Variants in MACROD2 observed in about 807,000 individuals in gnomAD.
MACROD2 encodes the protein ADP-ribose glycohydrolase MACROD2.
MACROD2 carries 36 observed loss-of-function variants against 70.4 expected under a neutral mutation model. The ratio of observed to expected loss-of-function variants is 0.51; its 90% CI spans 0.39 to 0.68. MACROD2 has a LOEUF of 0.68. MACROD2 is among the 30% of genes least tolerant of loss of function. The probability of loss-of-function intolerance (pLI) is 0.00; values close to 1 mark genes in which losing one functional copy is unlikely to be tolerated. For missense variants in MACROD2, 496 were observed against 538.4 expected (o/e 0.92, Z 0.78); for synonymous variants, 172 against 178.8 (o/e 0.96, Z 0.30).
At chr20:15,877,067 C>G (rs2064685784) in intron 9 of MACROD2, among the ~76,000 whole-genome samples, 1 of 152,058 alleles carries the variant, frequency 6.6e-6, no homozygotes, top group Non-Finnish European at 1.5e-5. Context: ...CGTATTTGAT[C>G]ACATGACCCT....
chr20:15,538,744 T>A (rs1169041422), intron 8 of MACROD2, among the ~76,000 whole-genome samples: 1 of 152,202 alleles, frequency 6.6e-6, no homozygotes, highest in African/African-American at 2.4e-5. Context: ...AACAATTGAT[T>A]TTTTTGTAAA....
intron 4 of MACROD2, among the ~76,000 whole-genome samples, chr20:14,581,961 A>G (rs1981050973): frequency 6.6e-6 from 1 of 152,166 alleles, no homozygotes; most frequent in Non-Finnish European, 1.5e-5. Flanking sequence ...GTTATTCTAC[A>G]CATTTCCTGA....
chr20:15,255,196 G>A (rs1309905167), intron 6 of MACROD2, among the ~76,000 whole-genome samples: 1 of 151,920 alleles, frequency 6.6e-6, no homozygotes, highest in African/African-American at 2.4e-5. Context: ...TTATCATCGT[G>A]AACTTCATTT....
At chr20:14,857,409 G>A (rs1004918241) in intron 5 of MACROD2, among the ~76,000 whole-genome samples, 1 of 152,204 alleles carries the variant, frequency 6.6e-6, no homozygotes, top group Non-Finnish European at 1.5e-5. Flanking sequence ...TATGCTGGGA[G>A]ATATTTTTTA....
intron 6 of MACROD2, among the ~76,000 whole-genome samples, chr20:15,384,636 C>T (rs1181894222): frequency 6.6e-6 from 1 of 151,952 alleles, no homozygotes; most frequent in African/African-American, 2.4e-5. Flanking sequence ...TACTATATGC[C>T]GGGTGTTATA....
At chr20:14,453,326 A>G (rs937641972) in intron 3 of MACROD2, among the ~76,000 whole-genome samples, 2 of 152,100 alleles carry the variant, frequency 1.3e-5, no homozygotes, top group Admixed American at 6.5e-5. Context: ...AAATGGTGCC[A>G]TCTATCTTTG....
intron 8 of MACROD2, among the ~76,000 whole-genome samples, chr20:15,784,052 AAGTT>A (rs1435795887): frequency 6.6e-6 from 1 of 152,122 alleles, no homozygotes; most frequent in Admixed American, 6.5e-5. Flanking sequence ...CTTGAAAGAA[AAGTT>A]AGTTGTTAGT....
At chr20:15,210,963 A>T (rs1350809773) in intron 5 of MACROD2, among the ~76,000 whole-genome samples, 2 of 152,216 alleles carry the variant, frequency 1.3e-5, no homozygotes, top group Non-Finnish European at 2.9e-5. Flanking sequence ...GAATGGACTA[A>T]TACAGCTTTT....
chr20:15,191,467 C>T (rs144876356), intron 5 of MACROD2, among the ~76,000 whole-genome samples: 447 of 151,910 alleles, frequency 2.9e-3, no homozygotes, highest in African/African-American at 0.01. Flanking sequence ...AAGGGTGTGG[C>T]GTGGGGCAGC....
At chr20:15,151,575 A>G (rs1278406762) in intron 5 of MACROD2, among the ~76,000 whole-genome samples, 2 of 151,990 alleles carry the variant, frequency 1.3e-5, no homozygotes, top group East Asian at 1.9e-4. Context: ...TATATTAAGA[A>G]TAAGACGGCC....
At chr20:15,097,495 AAATC>A (rs1258228177) in intron 5 of MACROD2, among the ~76,000 whole-genome samples, 5 of 152,182 alleles carry the variant, frequency 3.3e-5, no homozygotes, top group Non-Finnish European at 7.3e-5. Flanking sequence ...CAGATGTGAA[AAATC>A]AATTATTTTT....
intron 10 of MACROD2, among the ~76,000 whole-genome samples, chr20:15,890,001 C>A (rs970222036): frequency 1.3e-5 from 2 of 152,142 alleles, no homozygotes; most frequent in Admixed American, 1.3e-4. Context: ...CAAGTAGAAA[C>A]TTGGGCACAG....
At chr20:15,801,161 C>G (rs1321836588) in intron 8 of MACROD2, among the ~76,000 whole-genome samples, 3 of 136,108 alleles carry the variant, frequency 2.2e-5, no homozygotes, top group Non-Finnish European at 4.6e-5. Context: ...TCCCCCTCTG[C>G]GAGAAACACC....
intron 3 of MACROD2, among the ~76,000 whole-genome samples, chr20:14,089,231 G>T (rs757425987): frequency 2.6e-5 from 4 of 152,190 alleles, no homozygotes; most frequent in Non-Finnish European, 5.9e-5. Flanking sequence ...ATAGAAAAGG[G>T]ATGCCAAGTG....
rs11087105 is a variant in MACROD2, at chr20:14,719,473, GAAA to G, written c.418+34526_418+34528del. ...CTATCAGGAATAGGCAAGATAGAAA[GAAA>G]AAAAAAAAAAAGAAAGAAAGAAAGA... On this transcript the variant is annotated intron_variant, in intron 5 of 17. Transcript: ENST00000684519. Among the ~76,000 whole-genome samples the G allele has an allele frequency of 2.7e-4, 37 of 136,332 alleles. 1 individual carries two copies. Among genetic ancestry groups the G allele is most frequent in the African/African-American group, 8.6e-4 (32 of 37,308 alleles). 89.4% of individuals were successfully genotyped at this position (136,332 alleles called of 152,430 possible).
At chr20:15,222,540 AG>A (rs2076871109) in intron 5 of MACROD2, among the ~76,000 whole-genome samples, 1 of 152,226 alleles carries the variant, frequency 6.6e-6, no homozygotes, top group Non-Finnish European at 1.5e-5. Flanking sequence ...TCTCTAAAAA[AG>A]AAAATCAGTT....
intron 3 of MACROD2, among the ~76,000 whole-genome samples, chr20:14,250,714 C>T (rs1186202684): frequency 6.6e-6 from 1 of 151,928 alleles, no homozygotes; most frequent in Admixed American, 6.6e-5. Context: ...AATTTATTTC[C>T]ATAGAGTCTC....
At chr20:15,775,155 G>A (rs1179783321) in intron 8 of MACROD2, among the ~76,000 whole-genome samples, 1 of 152,068 alleles carries the variant, frequency 6.6e-6, no homozygotes, top group African/African-American at 2.4e-5. Flanking sequence ...TAAGCTGTAG[G>A]AGGAGTCATG....
chr20:15,872,221 C>CCTT (rs139492048), intron 9 of MACROD2, among the ~76,000 whole-genome samples: 1 of 152,136 alleles, frequency 6.6e-6, no homozygotes, highest in Non-Finnish European at 1.5e-5. Context: ...TGTCCTCTTT[C>CCTT]CTTCTTCTTC....
Sources: allele counts gnomAD v4.1 joint callset (sites outside exome capture counted in the v4.1 genomes callset), GRCh38; gene constraint gnomAD v4.1.1; transcripts MANE v1.5; gene names NCBI Gene and HGNC (gene_info 2026-07-23, HGNC 2026-07-21).